Variants in DLG1 observed in about 807,000 individuals in gnomAD.
DLG1 encodes disks large homolog 1.
A neutral mutation model predicts 123.4 loss-of-function variants in DLG1; 42 were observed. The observed-to-expected ratio is 0.34, with a 90% CI of 0.27 to 0.44. DLG1 has a LOEUF of 0.44. DLG1 is among the 20% of genes least tolerant of loss of function. The probability of loss-of-function intolerance (pLI) is 1.00; values close to 1 mark genes in which losing one functional copy is unlikely to be tolerated. For missense variants in DLG1, 942 were observed against 1,082.6 expected (o/e 0.87, Z 1.82); for synonymous variants, 317 against 356.2 (o/e 0.89, Z 1.24).
rs139679630 is a variant in DLG1 at position 197,068,421 on chromosome 3, TAATC to T, written c.2047+794_2047+797del. On this transcript the variant is annotated intron_variant, in intron 19 of 24. Coordinates refer to ENST00000667157, the MANE Select transcript of DLG1 (RefSeq NM_001366207.1). ...ATTAAGTAACTATTGTGTAGAAAAA[TAATC>T]AACCAAATGAATGACGGTTAAAAGT... 5.1e-3 allele frequency: 4,773 copies of T among 941,910 alleles called. 18 individuals are homozygous for T. The highest frequency in any genetic ancestry group is 6.8e-3 in the Non-Finnish European group (4,278 of 628,584). The allele number at this position is 941,910 out of a possible 1,614,324, so 58.3% of individuals were successfully genotyped here.
chr3:197,121,889 T>C (rs1327405912), intron 11 of DLG1, among the ~76,000 whole-genome samples: 1 of 149,536 alleles, frequency 6.7e-6, no homozygotes, highest in Non-Finnish European at 1.5e-5. Flanking sequence ...AAAGAAAATC[T>C]GAACATTCTT....
At chr3:197,047,408 T>G (rs1244936399) in intron 24 of DLG1, among the ~76,000 whole-genome samples, 1 of 152,132 alleles carries the variant, frequency 6.6e-6, no homozygotes, top group African/African-American at 2.4e-5. Flanking sequence ...TGAAATTAGT[T>G]TGAAAAAAAT....
chr3:197,174,519 A>G (rs1280799416), intron 5 of DLG1, among the ~76,000 whole-genome samples: 2 of 152,188 alleles, frequency 1.3e-5, no homozygotes, highest in Admixed American at 6.5e-5. Flanking sequence ...GATTAAAATG[A>G]TATGATTTTT....
At chr3:197,292,478 T>C (rs559020017) in intron 3 of DLG1, among the ~76,000 whole-genome samples, 25 of 152,330 alleles carry the variant, frequency 1.6e-4, no homozygotes, top group African/African-American at 4.6e-4. Flanking sequence ...CAGTTGTTTA[T>C]TCGGTATAGG....
intron 4 of DLG1, among the ~76,000 whole-genome samples, chr3:197,228,329 C>T (rs564284185): frequency 2.0e-5 from 3 of 152,296 alleles, no homozygotes; most frequent in African/African-American, 7.2e-5. Flanking sequence ...TATAAGCAAG[C>T]ACATTATTTG....
intron 5 of DLG1, chr3:197,183,901 A>G (rs1714147330): frequency 1.4e-6 from 2 of 1,473,166 alleles, no homozygotes; most frequent in Non-Finnish European, 1.8e-6. Context: ...CTACAATTAC[A>G]GCAGCATCAC....
chr3:197,251,271 A>G (rs1239073271), intron 4 of DLG1, among the ~76,000 whole-genome samples: 3 of 152,076 alleles, frequency 2.0e-5, no homozygotes, highest in African/African-American at 4.8e-5. Context: ...CAAATTACCA[A>G]TGACATTCTT....
chr3:197,229,084 T>G (rs1316044249), intron 4 of DLG1, among the ~76,000 whole-genome samples: 1 of 152,140 alleles, frequency 6.6e-6, no homozygotes, highest in Non-Finnish European at 1.5e-5. Flanking sequence ...ATCTAGTGGG[T>G]AGAAGCCAGG....
intron 4 of DLG1, among the ~76,000 whole-genome samples, chr3:197,280,026 T>TA (rs1768435092): frequency 6.6e-6 from 1 of 152,204 alleles, no homozygotes; most frequent in Non-Finnish European, 1.5e-5. Flanking sequence ...CATTCTGAAA[T>TA]AGACAATAAA....
chr3:197,218,395 G>A (rs547325167), intron 4 of DLG1, among the ~76,000 whole-genome samples: 2 of 152,282 alleles, frequency 1.3e-5, no homozygotes, highest in South Asian at 2.1e-4. Context: ...TTCAAGGGAA[G>A]GTTTCTTTTT....
chr3:197,257,816 A>G (rs1244176913), intron 4 of DLG1, among the ~76,000 whole-genome samples: 1 of 152,144 alleles, frequency 6.6e-6, no homozygotes, highest in Admixed American at 6.6e-5. Context: ...CAATAATCCT[A>G]AATCACTCTT....
At chr3:197,163,620 T>C (rs1799778622) in intron 5 of DLG1, among the ~76,000 whole-genome samples, 1 of 151,104 alleles carries the variant, frequency 6.6e-6, no homozygotes, top group Non-Finnish European at 1.5e-5. Context: ...CCTCCCGGGT[T>C]CAAGCAATTC....
intron 5 of DLG1, among the ~76,000 whole-genome samples, chr3:197,175,091 C>A (rs534391682): frequency 1.3e-5 from 2 of 152,174 alleles, no homozygotes; most frequent in East Asian, 3.8e-4. Flanking sequence ...GGGCAAGTTG[C>A]GTGTATAGGC....
At chr3:197,152,753 A>C (rs1162759079) in intron 5 of DLG1, among the ~76,000 whole-genome samples, 4 of 113,292 alleles carry the variant, frequency 3.5e-5, no homozygotes, top group Non-Finnish European at 5.0e-5. Context: ...ACAGAGCGAG[A>C]CTCTGTCTCA....
rs1300222676 is a variant in DLG1, at chr3:197,148,245, C to CAAAAAAAAAAAAAAAAAAA, written c.537+1497_537+1498insTTTTTTTTTTTTTTTTTTT. On this transcript the variant is annotated intron_variant, in intron 6 of 24. Coordinates refer to ENST00000667157, the MANE Select transcript of DLG1 (RefSeq NM_001366207.1). ...TAAAACCCCATCTCTACCAAAAATA[C>CAAAAAAAAAAAAAAAAAAA]AAAAAAAAAAAAAAAATAGCCAGTC... Among the ~76,000 whole-genome samples, 61 of 43,258 alleles carry CAAAAAAAAAAAAAAAAAAA rather than the reference C, an allele frequency of 1.4e-3. 11 individuals are homozygous for CAAAAAAAAAAAAAAAAAAA. Among genetic ancestry groups the CAAAAAAAAAAAAAAAAAAA allele is most frequent in the East Asian group, 4.4e-3 (5 of 1,136 alleles). 28.4% of individuals were successfully genotyped at this position (43,258 alleles called of 152,430 possible). A position where few individuals can be genotyped will look rare whatever the true frequency, so the allele number is the denominator to read the frequency against.
At chr3:197,075,536 TA>T (rs1175111463) in intron 18 of DLG1, among the ~76,000 whole-genome samples, 4 of 151,960 alleles carry the variant, frequency 2.6e-5, no homozygotes, top group Admixed American at 6.6e-5. Flanking sequence ...AAAAAAATCT[TA>T]AAAGTTTTTA....
chr3:197,264,743 A>AT (rs1472668257), intron 4 of DLG1, among the ~76,000 whole-genome samples: 1 of 152,130 alleles, frequency 6.6e-6, no homozygotes. Flanking sequence ...CAGATTTTGA[A>AT]TTTTCAGATC....
intron 4 of DLG1, among the ~76,000 whole-genome samples, chr3:197,207,955 A>C (rs1310557214): frequency 2.1e-5 from 3 of 145,894 alleles, no homozygotes; most frequent in Non-Finnish European, 4.6e-5. Context: ...TTTGACTAGA[A>C]GTCAAAACGT....
At chr3:197,185,910 T>C (rs1200858888) in intron 5 of DLG1, among the ~76,000 whole-genome samples, 1 of 152,164 alleles carries the variant, frequency 6.6e-6, no homozygotes, top group Non-Finnish European at 1.5e-5. Flanking sequence ...TAGGGGTCAA[T>C]GGTAGGCTCT....
Sources: gnomAD v4.1 joint callset for allele counts (sites outside exome capture counted in the v4.1 genomes callset) on GRCh38, gnomAD v4.1.1 for gene constraint, MANE v1.5 for transcripts, NCBI Gene and HGNC (gene_info 2026-07-23, HGNC 2026-07-21) for gene names.